Variants in RGS20 observed in about 807,000 individuals in gnomAD.
RGS20 encodes the protein gz-selective GTPase-activating protein.
Under a neutral mutation model 33.6 loss-of-function variants are expected in RGS20, and 30 were observed. The ratio of observed to expected loss-of-function variants is 0.89; its 90% CI spans 0.67 to 1.21. The LOEUF (loss-of-function observed/expected upper bound fraction) is 1.21, where lower values mean the gene tolerates loss of function less well. Ranked by LOEUF, RGS20 falls within the 50% of genes most tolerant of loss-of-function variation. RGS20 has a pLI of 0.00. For synonymous variants in RGS20, 208 were observed against 197.9 expected (o/e 1.05, Z -0.43); for missense variants, 472 against 502.4 (o/e 0.94, Z 0.58).
intron 2 of RGS20, among the ~76,000 whole-genome samples, chr8:53,920,819 T>C (rs905912014): frequency 2.6e-5 from 4 of 152,244 alleles, no homozygotes; most frequent in Admixed American, 2.0e-4. Context: ...AGTGCAGTGG[T>C]GCAATTTCAG....
At chr8:53,859,052 T>C (rs1189988010) in intron 1 of RGS20, among the ~76,000 whole-genome samples, 3 of 152,130 alleles carry the variant, frequency 2.0e-5, no homozygotes, top group Non-Finnish European at 4.4e-5. Flanking sequence ...GACAATGTGT[T>C]CTTAATTATT....
At chr8:53,955,841 A>G (rs1174347847) in intron 5 of RGS20, among the ~76,000 whole-genome samples, 2 of 152,180 alleles carry the variant, frequency 1.3e-5, no homozygotes, top group Non-Finnish European at 2.9e-5. Context: ...CAAAAAAATA[A>G]TAATAATAAA....
chr8:53,856,795 T>A (rs1231368588), intron 1 of RGS20, among the ~76,000 whole-genome samples: 1 of 152,226 alleles, frequency 6.6e-6, no homozygotes, highest in Non-Finnish European at 1.5e-5. Context: ...GTCAATGCCC[T>A]TCTGAAAGTG....
chr8:53,942,529 A>C (rs1350675742), intron 3 of RGS20, among the ~76,000 whole-genome samples: 1 of 152,076 alleles, frequency 6.6e-6, no homozygotes, highest in African/African-American at 2.4e-5. Flanking sequence ...CCCTGCAAAA[A>C]AAGGAGACAT....
At chr8:53,906,838 A>G (rs1358256300) in intron 2 of RGS20, among the ~76,000 whole-genome samples, 2 of 152,178 alleles carry the variant, frequency 1.3e-5, no homozygotes, top group African/African-American at 4.8e-5. Context: ...AGAGATATGT[A>G]TAGGGCACAA....
At chr8:53,882,274 G>A (rs1019698481) in intron 2 of RGS20, among the ~76,000 whole-genome samples, 9 of 152,340 alleles carry the variant, frequency 5.9e-5, no homozygotes, top group African/African-American at 1.9e-4. Context: ...CCACGCTTGT[G>A]GGGGAGTGAG....
intron 1 of RGS20, among the ~76,000 whole-genome samples, chr8:53,863,796 G>C (rs150614465): frequency 6.9e-6 from 1 of 145,170 alleles, no homozygotes; most frequent in Non-Finnish European, 1.5e-5. Flanking sequence ...GCGCCAACTC[G>C]GCTCACTGCA....
chr8:53,872,214 T>C (rs977010002), intron 1 of RGS20, among the ~76,000 whole-genome samples: 1 of 152,216 alleles, frequency 6.6e-6, no homozygotes, highest in African/African-American at 2.4e-5. Context: ...TTTATGTTTT[T>C]ATTTACATGA....
intron 2 of RGS20, among the ~76,000 whole-genome samples, chr8:53,892,866 A>T (rs1464946173): frequency 1.3e-5 from 2 of 152,214 alleles, no homozygotes; most frequent in Non-Finnish European, 2.9e-5. Flanking sequence ...CTTTTAAAAA[A>T]ACTTAATATA....
intron 2 of RGS20, among the ~76,000 whole-genome samples, chr8:53,929,569 G>A (rs1813897414): frequency 6.6e-6 from 1 of 152,216 alleles, no homozygotes; most frequent in Non-Finnish European, 1.5e-5. Context: ...TCGGGAGGCT[G>A]AAGCAAGAGA....
In RGS20 at chr8:53,877,581, T is replaced by C. The variant is rs1428311482; in HGVS notation, c.166-1677T>C. 6.6e-6 allele frequency among the ~76,000 whole-genome samples: 1 copy of C among 152,208 alleles called. No individual in the cohort carries two copies. Among genetic ancestry groups the C allele is most frequent in the African/African-American group, 2.4e-5 (1 of 41,468 alleles). The stretch of plus-strand genomic sequence containing the variant: ...TCCCCCTCGAGGGAGCTGTTGGCGC[T>C]TCTCCAGAAGCCTCCTCGGCTCCCA... On this transcript the variant is annotated intron_variant, in intron 1 of 5. Transcript: ENST00000297313. This position sits in a 1 kb window ranked among gnomAD's most constrained non-coding sequence, Gnocchi z 5.7.
intron 1 of RGS20, among the ~76,000 whole-genome samples, chr8:53,858,892 TAAAAA>T (rs76466731): frequency 5.6e-4 from 47 of 84,506 alleles, no homozygotes; most frequent in African/African-American, 1.9e-3. Flanking sequence ...GGGTTATGTT[TAAAAA>T]AAAAAAAAAA....
In RGS20 at chr8:53,954,232, G is replaced by A. The variant is rs1181747704; in HGVS notation, c.900G>A (p.Lys300=). 1.1e-5 allele frequency: 17 copies of A among 1,613,942 alleles called. No individual in the cohort carries two copies. Among genetic ancestry groups the A allele is most frequent in the Non-Finnish European group, 1.4e-5 (17 of 1,179,852 alleles). Residue 300 remains lysine (K), a synonymous_variant, in exon 5 of 6, where the codon AAG becomes AAA. Transcript: ENST00000297313. ...GGATGGCCTGTGAGGAACTGAAAAA[G>A]GAAGCTAATAAAAACATTATTGAAG...
intron 2 of RGS20, among the ~76,000 whole-genome samples, chr8:53,930,476 C>T (rs1287025923): frequency 6.6e-6 from 1 of 152,186 alleles, no homozygotes. Context: ...GAACAGGACT[C>T]CCCTGAGACC....
intron 2 of RGS20, among the ~76,000 whole-genome samples, chr8:53,891,258 C>A (rs1245500998): frequency 2.0e-5 from 3 of 152,204 alleles, no homozygotes; most frequent in Non-Finnish European, 2.9e-5. Context: ...TTTGCTTTCA[C>A]AGTTCTCTGA....
intron 1 of RGS20, among the ~76,000 whole-genome samples, chr8:53,863,107 C>T (rs1359855887): frequency 1.3e-5 from 2 of 152,146 alleles, no homozygotes; most frequent in African/African-American, 4.8e-5. Context: ...CCTGCCTCAG[C>T]CTCCCGAGTA....
chr8:53,920,594 T>A (rs994072935), intron 2 of RGS20, among the ~76,000 whole-genome samples: 1 of 152,190 alleles, frequency 6.6e-6, no homozygotes, highest in Admixed American at 6.5e-5. Flanking sequence ...AAAAGTAGAT[T>A]TTTTTTCTTA....
At chr8:53,948,317 C>CACTATATATGACAGTATATATTTAT (rs1814595659) in intron 4 of RGS20, among the ~76,000 whole-genome samples, 1 of 137,786 alleles carries the variant, frequency 7.3e-6, no homozygotes, top group African/African-American at 2.7e-5. Context: ...AGTATATATA[C>CACTATATATGACAGTATATATTTAT]ATATGCTATA....
rs1812230341 is a variant in RGS20 at position 53,877,342 on chromosome 8, G to C, written c.166-1916G>C. Among the ~76,000 whole-genome samples the C allele has an allele frequency of 6.6e-6, 1 of 152,220 alleles. No individual in the cohort carries two copies. The highest frequency in any genetic ancestry group is 2.4e-5 in the African/African-American group (1 of 41,562). ...CGCCCTCGCCGAGGGCCCTCGCTCC[G>C]GAGTGGGGCGCAGACGCGGCCGCCG... On this transcript the variant is annotated intron_variant, in intron 1 of 5. Transcript: ENST00000297313. The surrounding 1 kb of genome is among the most constrained non-coding windows in gnomAD (Gnocchi z 5.7).
Sources: gnomAD v4.1 joint callset for allele counts (sites outside exome capture counted in the v4.1 genomes callset) on GRCh38, gnomAD v4.1.1 for gene constraint, Gnocchi (gnomAD v3.1) non-coding constraint, MANE v1.5 for transcripts, NCBI Gene and HGNC (gene_info 2026-07-23, HGNC 2026-07-21) for gene names.